Variants in MAP2K6 observed in about 807,000 individuals in gnomAD.
The protein encoded by MAP2K6 is dual specificity mitogen-activated protein kinase kinase 6.
Under a neutral mutation model 53.7 loss-of-function variants are expected in MAP2K6, and 16 were observed. That is an observed-to-expected ratio of 0.30 (90% CI 0.20 to 0.45). The LOEUF (loss-of-function observed/expected upper bound fraction) is 0.45. MAP2K6 is among the 20% of genes least tolerant of loss of function. MAP2K6 has a pLI of 1.00. For missense variants in MAP2K6, 204 were observed against 411.9 expected, an observed-to-expected ratio of 0.50 and a Z score of 4.37; for synonymous variants, 132 against 143.1, an observed-to-expected ratio of 0.92 and a Z score of 0.55.
intron 2 of MAP2K6, among the ~76,000 whole-genome samples, chr17:69,509,360 A>G (rs755078782): frequency 5.3e-5 from 8 of 152,172 alleles, no homozygotes; most frequent in Non-Finnish European, 5.9e-5. Context: ...GCAAATTTTA[A>G]GTGGAATTTG....
chr17:69,436,954 A>C (rs578070477), intron 1 of MAP2K6, among the ~76,000 whole-genome samples: 25 of 152,110 alleles, frequency 1.6e-4, no homozygotes, highest in African/African-American at 5.8e-4. Context: ...CCTCCCAAGT[A>C]GCTGGGACTA....
At chr17:69,480,672 A>C (rs11869073) in intron 1 of MAP2K6, among the ~76,000 whole-genome samples, 21,692 of 152,188 alleles carry the variant, frequency 0.14, 1,757 homozygotes, top group Non-Finnish European at 0.18. Flanking sequence ...ATTCAAGTAA[A>C]CTTCTGAAGA....
At chr17:69,533,919 C>A (rs1185550418) in intron 10 of MAP2K6, among the ~76,000 whole-genome samples, 2 of 152,064 alleles carry the variant, frequency 1.3e-5, no homozygotes, top group Non-Finnish European at 2.9e-5. Flanking sequence ...CAAAGACAAA[C>A]CAGCTGGAGA....
At chr17:69,517,942 G>A (rs1910256036) in intron 4 of MAP2K6, among the ~76,000 whole-genome samples, 1 of 152,096 alleles carries the variant, frequency 6.6e-6, no homozygotes, top group African/African-American at 2.4e-5. Context: ...TGTAATCCTA[G>A]CAGTTTGGGA....
intron 1 of MAP2K6, among the ~76,000 whole-genome samples, chr17:69,415,551 G>A (rs376959978): frequency 4.4e-4 from 67 of 152,274 alleles, no homozygotes; most frequent in African/African-American, 1.6e-3. Flanking sequence ...AGGAAGTAAA[G>A]GTGAAGGGTG....
chr17:69,472,676 T>C (rs1383709121), intron 1 of MAP2K6, among the ~76,000 whole-genome samples: 1 of 152,140 alleles, frequency 6.6e-6, no homozygotes, highest in Admixed American at 6.5e-5. Flanking sequence ...ACTGGAGTAA[T>C]TGGCAACATC....
intron 1 of MAP2K6, among the ~76,000 whole-genome samples, chr17:69,481,913 C>A (rs1908363893): frequency 6.6e-6 from 1 of 152,042 alleles, no homozygotes; most frequent in Non-Finnish European, 1.5e-5. Context: ...GGATATATCC[C>A]TAGAAGTGGA....
chr17:69,506,596 T>G (rs1711589255), intron 2 of MAP2K6, among the ~76,000 whole-genome samples: 1 of 151,918 alleles, frequency 6.6e-6, no homozygotes, highest in Admixed American at 6.6e-5. Flanking sequence ...AATGGAAAAG[T>G]GAGTTGGTAA....
At chr17:69,509,010 A>G (rs367694116) in intron 2 of MAP2K6, among the ~76,000 whole-genome samples, 36 of 152,210 alleles carry the variant, frequency 2.4e-4, no homozygotes, top group African/African-American at 8.0e-4. Flanking sequence ...CTTGATTACC[A>G]CAGCTGTAGA....
rs573150182 is a variant in MAP2K6, at chr17:69,530,954, T to A, written c.881+4245T>A. Among the ~76,000 whole-genome samples the A allele has an allele frequency of 2.0e-5, 3 of 152,302 alleles. No individual in the cohort carries two copies. In the South Asian group the frequency reaches 6.2e-4, roughly 32 times the overall value. On this transcript the variant is annotated intron_variant, in intron 10 of 11. Transcript: ENST00000590474. ...AACAGAAGAGTACCTCTTCTACCTC[T>A]TCATGAACATTCCCTGTGCACGTAA...
chr17:69,474,018 C>T (rs995915962), intron 1 of MAP2K6, among the ~76,000 whole-genome samples: 1 of 152,196 alleles, frequency 6.6e-6, no homozygotes, highest in Non-Finnish European at 1.5e-5. Flanking sequence ...AATAAATGCT[C>T]CTAATGCCTT....
chr17:69,414,999 A>G lies in MAP2K6; in HGVS notation c.15A>G (p.Lys5=). MSQS[K]GKKRNPGLKI... ...GAAAGGGGAAAATGTCTCAGTCGAAAGGTAAGAGGCTGTTTGCATTAGTTG... is the reference window on the plus strand; with the variant it reads ...GAAAGGGGAAAATGTCTCAGTCGAAGGGTAAGAGGCTGTTTGCATTAGTTG... The change falls in exon 1 of 12, where the codon AAA becomes AAG. Residue 5 remains lysine, a splice_region_variant and synonymous_variant. Transcript: ENST00000590474. 6.4e-7 allele frequency: 1 copy of G among 1,553,936 alleles called. No individual in the cohort carries two copies. The highest frequency in any genetic ancestry group is 8.9e-7 in the Non-Finnish European group (1 of 1,125,188).
intron 1 of MAP2K6, among the ~76,000 whole-genome samples, chr17:69,487,409 A>G (rs971650581): frequency 6.6e-6 from 1 of 152,224 alleles, no homozygotes; most frequent in Non-Finnish European, 1.5e-5. Context: ...TGCATGTAAC[A>G]CATACGCAAT....
intron 1 of MAP2K6, among the ~76,000 whole-genome samples, chr17:69,449,504 T>C (rs1907098754): frequency 6.9e-6 from 1 of 144,190 alleles, no homozygotes; most frequent in Non-Finnish European, 1.5e-5. Context: ...CTTTCTTTTT[T>C]CTTTCTTTCT....
At chr17:69,533,735 GTTT>G (rs35697742) in intron 10 of MAP2K6, among the ~76,000 whole-genome samples, 19 of 140,174 alleles carry the variant, frequency 1.4e-4, no homozygotes, top group East Asian at 4.1e-4. Context: ...TAGCCTGTTT[GTTT>G]TTTTTTTTTT....
chr17:69,518,560 A>G (rs1028358997), intron 4 of MAP2K6, among the ~76,000 whole-genome samples: 1 of 152,238 alleles, frequency 6.6e-6, no homozygotes, highest in Non-Finnish European at 1.5e-5. Flanking sequence ...TTGGAGGATC[A>G]TAAAGAATTA....
chr17:69,447,405 G>A (rs369718415), intron 1 of MAP2K6, among the ~76,000 whole-genome samples: 4 of 152,022 alleles, frequency 2.6e-5, no homozygotes, highest in Admixed American at 2.6e-4. Context: ...GAGTGCAGTG[G>A]CATGATCTTG....
At chr17:69,500,674 C>T (rs138093990) in intron 1 of MAP2K6, among the ~76,000 whole-genome samples, 2,062 of 150,704 alleles carry the variant, frequency 0.014, 49 homozygotes, top group African/African-American at 0.047. Flanking sequence ...GAGAATCACA[C>T]AAAGCCGGGA....
rs1911877863 is a variant in MAP2K6 at position 69,546,312 on chromosome 17, T to A, written c.*4559T>A. 1 of 152,168 alleles carries A rather than the reference T, an allele frequency of 6.6e-6. No individual in the cohort carries two copies. The highest frequency in any genetic ancestry group is 6.5e-5 in the Admixed American group (1 of 15,272). The allele number at this position is 152,168 out of a possible 1,614,324, so 9.4% of individuals were successfully genotyped here. On this transcript the variant is annotated 3_prime_UTR_variant, in exon 12 of 12. Transcript: ENST00000590474. ...TCATCAGCCCTGCAATGCCGTAGTG[T>A]CTTAGTCTAGAAAAATGCAATACTC...
Sources: gnomAD v4.1 joint callset for allele counts (sites outside exome capture counted in the v4.1 genomes callset) on GRCh38, gnomAD v4.1.1 for gene constraint, MANE v1.5 for transcripts, NCBI Gene and HGNC (gene_info 2026-07-23, HGNC 2026-07-21) for gene names.